The following MTHFD1 variants were observed in gnomAD, a reference collection of about 807,000 sequenced individuals.
MTHFD1 encodes C-1-tetrahydrofolate synthase, cytoplasmic.
In MTHFD1, 44 loss-of-function variants were observed where a neutral mutation model predicts 110.3. That is an observed-to-expected ratio of 0.40 (90% CI 0.31 to 0.51). The LOEUF (loss-of-function observed/expected upper bound fraction) is 0.51. Among genes scored for constraint, MTHFD1 ranks in the 20% least tolerant of loss-of-function variants. MTHFD1 has a pLI of 0.60. For synonymous variants in MTHFD1, 402 were observed against 428.8 expected, an observed-to-expected ratio of 0.94 and a Z score of 0.77; for missense variants, 909 against 1,173.1, an observed-to-expected ratio of 0.77 and a Z score of 3.29.
At chr14:64,413,370 C>T (rs542695346) in intron 4 of MTHFD1, among the ~76,000 whole-genome samples, 2 of 152,098 alleles carry the variant, frequency 1.3e-5, no homozygotes, top group East Asian at 1.9e-4. Context: ...TAGGTAAAAC[C>T]GATCCTTGGC....
intron 6 of MTHFD1, among the ~76,000 whole-genome samples, chr14:64,416,290 A>C (rs1379002424): frequency 6.6e-6 from 1 of 152,148 alleles, no homozygotes; most frequent in African/African-American, 2.4e-5. Context: ...CAGCTCAGAG[A>C]GAGCAAGTAA....
intron 1 of MTHFD1, among the ~76,000 whole-genome samples, chr14:64,389,478 TG>T: frequency 6.6e-6 from 1 of 152,034 alleles, no homozygotes; most frequent in Non-Finnish European, 1.5e-5. Context: ...GAGGCCGAGG[TG>T]GGTGGATCAC....
intron 1 of MTHFD1, among the ~76,000 whole-genome samples, chr14:64,395,585 A>G (rs1200098994): frequency 6.6e-6 from 1 of 152,224 alleles, no homozygotes; most frequent in Non-Finnish European, 1.5e-5. Flanking sequence ...AGCCTTAACC[A>G]GTCCAACCTA....
chr14:64,439,894 C>CAAAAAAA (rs760527922), intron 17 of MTHFD1, among the ~76,000 whole-genome samples: 1 of 56,576 alleles, frequency 1.8e-5, no homozygotes, highest in Non-Finnish European at 3.6e-5. Flanking sequence ...ACTCTGTCTC[C>CAAAAAAA]AAAAAAAAAA....
intron 22 of MTHFD1, among the ~76,000 whole-genome samples, chr14:64,445,483 G>A (rs1256022681): frequency 6.6e-6 from 1 of 152,190 alleles, no homozygotes; most frequent in Non-Finnish European, 1.5e-5. Flanking sequence ...TTACAGGAAA[G>A]ACAGGCCATC....
rs376487146 is a variant in MTHFD1, at chr14:64,442,387, C to T, written c.2121C>T (p.His707=). The T allele has an allele frequency of 6.5e-5, 105 of 1,614,050 alleles. No homozygotes were observed. The highest frequency in any genetic ancestry group is 8.1e-5 in the Non-Finnish European group (95 of 1,180,020). The change falls in exon 21 of 28, where the codon CAC becomes CAT. Residue 707 remains histidine, a synonymous_variant. Transcript: ENST00000652337. The part of the protein sequence containing the change: ...LVATVRALKM[H]GGGPTVTAGL... Reference sequence around the variant, plus strand: ...CCACTGTCAGGGCTCTCAAGATGCACGGGGGCGGCCCCACGGTGAGTGGTG... The same window carrying T: ...CCACTGTCAGGGCTCTCAAGATGCATGGGGGCGGCCCCACGGTGAGTGGTG...
At chr14:64,444,567 A>G in intron 21 of MTHFD1, 126 bp from the exon 22 acceptor site, 1 of 1,080,428 alleles carries the variant, frequency 9.3e-7, no homozygotes. Flanking sequence ...AGGGCAGGAA[A>G]TAATCTTATA....
chr14:64,409,713 G>C (rs188146317), intron 2 of MTHFD1, among the ~76,000 whole-genome samples: 3 of 151,888 alleles, frequency 2.0e-5, no homozygotes, highest in Admixed American at 1.3e-4. Context: ...TAAAAAAAAA[G>C]GTAGAATTCC....
At position 64,442,138 on chromosome 14, in the gene MTHFD1, A is replaced by C; in HGVS notation, c.1969A>C (p.Lys657Gln). 1 of 1,614,174 alleles carries C rather than the reference A, an allele frequency of 6.2e-7. No individual in the cohort carries two copies. The change falls in exon 20 of 28, where the codon AAG becomes CAG. Residue 657 changes from lysine (K) to glutamine (Q), a missense_variant. By Grantham distance (53) the Lys-to-Gln change is moderately conservative (BLOSUM62 1). Around this residue, in one of 3 missense-constraint regions of MTHFD1, gnomAD observed 482 missense variants for 646.0 expected, o/e 0.75. Transcript: ENST00000652337. ...SSIIADRIAL[K>Q]LVGPEGFVVT... ...CATCATTGCAGACCGGATCGCACTC[A>C]AGCTTGTTGGCCCAGAAGGGTTTGT...
chr14:64,457,372 C>G (rs952513876), intron 26 of MTHFD1, among the ~76,000 whole-genome samples: 3 of 152,200 alleles, frequency 2.0e-5, no homozygotes, highest in Admixed American at 1.3e-4. Flanking sequence ...ACACCTCCTG[C>G]TACTGCTTGT....
intron 23 of MTHFD1, 87 bp downstream of exon 23, chr14:64,448,404 T>C: frequency 9.6e-7 from 1 of 1,041,982 alleles, no homozygotes; most frequent in Non-Finnish European, 1.5e-6. Flanking sequence ...TTATTTTGTT[T>C]TTCAGTTACT....
intron 25 of MTHFD1, 47 bp from the exon 26 acceptor site, chr14:64,454,676 G>T (rs1183728797): frequency 3.2e-6 from 5 of 1,538,594 alleles, no homozygotes; most frequent in East Asian, 2.2e-5. Flanking sequence ...TCATTGCTGG[G>T]TTGTCATCTT....
intron 10 of MTHFD1, 22 bp from the exon 11 acceptor site, chr14:64,425,997 C>T: frequency 6.2e-7 from 1 of 1,613,064 alleles, no homozygotes; most frequent in Non-Finnish European, 8.5e-7. Context: ...AACATTAATA[C>T]CTATTTTCTA....
intron 8 of MTHFD1, among the ~76,000 whole-genome samples, chr14:64,421,196 A>G (rs1239015255): frequency 3.3e-5 from 5 of 151,486 alleles, no homozygotes; most frequent in African/African-American, 4.9e-5. Context: ...GAACATGTGT[A>G]TTGTATCTTT....
chr14:64,400,727 T>C, intron 1 of MTHFD1, 66 bp from the exon 2 acceptor site: 2 of 993,602 alleles, frequency 2.0e-6, no homozygotes, highest in Non-Finnish European at 3.2e-6. Flanking sequence ...ATACATCTAA[T>C]AATCTGCATC....
chr14:64,402,303 A>G (rs1001833002), intron 2 of MTHFD1, among the ~76,000 whole-genome samples: 1 of 152,360 alleles, frequency 6.6e-6, no homozygotes, highest in Admixed American at 6.5e-5. Flanking sequence ...TCATTATGCA[A>G]TATGAAAGAA....
intron 2 of MTHFD1, among the ~76,000 whole-genome samples, chr14:64,408,487 C>T (rs781622712): frequency 6.6e-6 from 1 of 152,104 alleles, no homozygotes; most frequent in Non-Finnish European, 1.5e-5. Context: ...TGGGGTTTCA[C>T]CATCTTGGCC....
intron 8 of MTHFD1, chr14:64,423,046 C>G (rs28655371): frequency 6.2e-4 from 95 of 152,274 alleles, no homozygotes; most frequent in African/African-American, 2.2e-3. Context: ...TTCAAGCTAA[C>G]TACAGTGTGA....
At chr14:64,433,781 A>T (rs931742525) in intron 15 of MTHFD1, among the ~76,000 whole-genome samples, 73 of 146,994 alleles carry the variant, frequency 5.0e-4, no homozygotes, top group Non-Finnish European at 1.2e-4. Context: ...CTGTAATCCC[A>T]GAACGTTGGG....
Sources: gnomAD v4.1 joint callset for allele counts (sites outside exome capture counted in the v4.1 genomes callset) on GRCh38, gnomAD v4.1.1 for gene constraint, gnomAD v4.1.1 regional missense constraint, MANE v1.5 for transcripts, NCBI Gene and HGNC (gene_info 2026-07-23, HGNC 2026-07-21) for gene names.